Variants in SLC16A2 observed in about 807,000 individuals in gnomAD.
SLC16A2 encodes the protein monocarboxylate transporter 8.
In SLC16A2, 3 loss-of-function variants were observed where a neutral mutation model predicts 27.2. The ratio of observed to expected loss-of-function variants is 0.11; its 90% CI spans 0.05 to 0.28. The LOEUF (loss-of-function observed/expected upper bound fraction) is 0.28. Ranked by LOEUF, SLC16A2 falls within the 10% of genes least tolerant of loss-of-function variation. The pLI is 1.00. For missense variants in SLC16A2, 295 were observed against 458.5 expected (o/e 0.64, Z 3.26); for synonymous variants, 202 against 187.8 (o/e 1.08, Z -0.62).
intron 1 of SLC16A2, among the ~76,000 whole-genome samples, chrX:74,497,643 G>T (rs1019174483): frequency 9.1e-6 from 1 of 109,527 alleles, no homozygotes. Context: ...GGGCTGTAGG[G>T]CCTCAGATAA....
At chrX:74,448,508 G>T (rs1200118896) in intron 1 of SLC16A2, among the ~76,000 whole-genome samples, 2 of 109,990 alleles carry the variant, frequency 1.8e-5, no homozygotes, top group Non-Finnish European at 3.8e-5. Context: ...AGAACTGTGA[G>T]TACTTTGATG....
intron 4 of SLC16A2, among the ~76,000 whole-genome samples, chrX:74,528,350 T>G (rs945488087): frequency 6.4e-5 from 7 of 109,721 alleles, no homozygotes; most frequent in Non-Finnish European, 9.5e-5. Context: ...GAAGACCAGC[T>G]GTGTTTGCAG....
intron 1 of SLC16A2, among the ~76,000 whole-genome samples, chrX:74,440,686 A>G (rs1425623117): frequency 9.1e-6 from 1 of 109,911 alleles, no homozygotes; most frequent in Non-Finnish European, 1.9e-5. Flanking sequence ...AGCTGTGGAA[A>G]GTATGTATGT....
intron 1 of SLC16A2, among the ~76,000 whole-genome samples, chrX:74,441,066 T>TA (rs1928736775): frequency 9.2e-6 from 1 of 108,169 alleles, no homozygotes; most frequent in African/African-American, 3.4e-5. Context: ...CTCCTGGATT[T>TA]TTTTTTTTTT....
chrX:74,473,659 T>G, intron 1 of SLC16A2: 7 of 1,074,251 alleles, frequency 6.5e-6, no homozygotes, highest in Non-Finnish European at 8.9e-6. Flanking sequence ...CACCTGGTCT[T>G]TGAGAATCTT....
chrX:74,441,552 G>A (rs943101467), intron 1 of SLC16A2, among the ~76,000 whole-genome samples: 1 of 112,082 alleles, frequency 8.9e-6, no homozygotes, highest in Non-Finnish European at 1.9e-5. Flanking sequence ...AGCTTGAGGT[G>A]TCTGTAGGCC....
At chrX:74,432,190 G>A (rs925567939) in intron 1 of SLC16A2, among the ~76,000 whole-genome samples, 4 of 111,209 alleles carry the variant, frequency 3.6e-5, no homozygotes, top group East Asian at 2.8e-4. Context: ...ACTTCCTCCC[G>A]AGGGTCTCTC....
intron 1 of SLC16A2, among the ~76,000 whole-genome samples, chrX:74,490,046 A>G (rs1013925983): frequency 3.9e-5 from 4 of 102,424 alleles, no homozygotes; most frequent in Non-Finnish European, 5.9e-5. Context: ...AACTTTAGCC[A>G]TGAGATAAAT....
chrX:74,460,126 C>A (rs757854138), intron 1 of SLC16A2, among the ~76,000 whole-genome samples: 1 of 111,934 alleles, frequency 8.9e-6, no homozygotes, highest in Non-Finnish European at 1.9e-5. Context: ...TTCTGTGGCA[C>A]CCATGAGAAT....
intron 1 of SLC16A2, among the ~76,000 whole-genome samples, chrX:74,509,178 G>A (rs993269240): frequency 2.7e-5 from 3 of 110,898 alleles, no homozygotes; most frequent in African/African-American, 9.9e-5. Flanking sequence ...TGCCCAGGCT[G>A]GTCTTGAACT....
intron 1 of SLC16A2, among the ~76,000 whole-genome samples, chrX:74,509,557 C>T (rs1930192098): frequency 9.1e-6 from 1 of 109,955 alleles, no homozygotes; most frequent in Admixed American, 9.7e-5. Flanking sequence ...CACACTTGAT[C>T]ATGATGTTTT....
At chrX:74,507,066 A>T (rs1005615847) in intron 1 of SLC16A2, among the ~76,000 whole-genome samples, 2 of 106,745 alleles carry the variant, frequency 1.9e-5, no homozygotes, top group Non-Finnish European at 3.9e-5. Flanking sequence ...CTCCCCCCCC[A>T]ACCACAAGTA....
intron 1 of SLC16A2, among the ~76,000 whole-genome samples, chrX:74,520,778 G>A (rs1318230591): frequency 4.5e-5 from 5 of 111,692 alleles, no homozygotes; most frequent in South Asian, 3.7e-4. Flanking sequence ...CTGAAATATT[G>A]ACTAGTCCAA....
At chrX:74,512,299 G>T (rs1189624711) in intron 1 of SLC16A2, among the ~76,000 whole-genome samples, 1 of 112,353 alleles carries the variant, frequency 8.9e-6, no homozygotes, top group Non-Finnish European at 1.9e-5. Context: ...TCCAATTCAT[G>T]GTGCCATTCT....
intron 1 of SLC16A2, among the ~76,000 whole-genome samples, chrX:74,478,067 A>G (rs927722130): frequency 9.0e-6 from 1 of 111,594 alleles, no homozygotes; most frequent in African/African-American, 3.3e-5. Context: ...TCATTGATCT[A>G]TCTAAGGTTG....
At chrX:74,493,304 A>T (rs1038121113) in intron 1 of SLC16A2, among the ~76,000 whole-genome samples, 18 of 111,994 alleles carry the variant, frequency 1.6e-4, no homozygotes, top group African/African-American at 5.9e-4. Context: ...GCGTGTTGTA[A>T]TCCAGTCCAT....
intron 4 of SLC16A2, among the ~76,000 whole-genome samples, chrX:74,528,482 G>C (rs1401236816): frequency 9.0e-6 from 1 of 111,265 alleles, no homozygotes; most frequent in Non-Finnish European, 1.9e-5. Context: ...TCCTGGGTTG[G>C]CTTCATTCTC....
intron 1 of SLC16A2, among the ~76,000 whole-genome samples, chrX:74,475,382 C>G (rs1929451406): frequency 9.3e-6 from 1 of 107,767 alleles, no homozygotes; most frequent in Non-Finnish European, 1.9e-5. Flanking sequence ...GGATATTAGC[C>G]CTTTGTCAGA....
At chrX:74,506,961 C>G (rs1463515439) in intron 1 of SLC16A2, among the ~76,000 whole-genome samples, 1 of 101,604 alleles carries the variant, frequency 9.8e-6, no homozygotes, top group Non-Finnish European at 1.9e-5. Context: ...GAGGCAGGGT[C>G]TCGCTTTGTC....
Sources: gnomAD v4.1 joint callset for allele counts (sites outside exome capture counted in the v4.1 genomes callset) on GRCh38, gnomAD v4.1.1 for gene constraint, MANE v1.5 for transcripts, NCBI Gene and HGNC (gene_info 2026-07-23, HGNC 2026-07-21) for gene names.